Variants in UIMC1 observed in about 807,000 individuals in gnomAD.
The protein encoded by UIMC1 is BRCA1-A complex subunit RAP80.
UIMC1 carries 42 observed loss-of-function variants against 84.9 expected under a neutral mutation model. The ratio of observed to expected loss-of-function variants is 0.49; its 90% confidence interval spans 0.39 to 0.64. UIMC1 has a LOEUF of 0.64. Ranked by LOEUF, UIMC1 falls within the 30% of genes least tolerant of loss-of-function variation. UIMC1 has a pLI of 0.00. For synonymous variants in UIMC1, 281 were observed against 293.0 expected, an observed-to-expected ratio of 0.96 and a Z score of 0.42; for missense variants, 825 against 847.6, an observed-to-expected ratio of 0.97 and a Z score of 0.33.
chr5:176,936,916 T>C (rs543887037), intron 10 of UIMC1, among the ~76,000 whole-genome samples: 19 of 152,336 alleles, frequency 1.2e-4, no homozygotes, highest in African/African-American at 2.4e-4. Context: ...ACTTGAAATA[T>C]TGTATATTTA....
At chr5:176,921,017 T>C (rs1761637713) in intron 10 of UIMC1, among the ~76,000 whole-genome samples, 1 of 152,268 alleles carries the variant, frequency 6.6e-6, no homozygotes, top group Non-Finnish European at 1.5e-5. Flanking sequence ...AAATGCTTTT[T>C]CTGTGTCCAT....
At chr5:176,999,362 A>T (rs112681256) in intron 1 of UIMC1, among the ~76,000 whole-genome samples, 31 of 152,342 alleles carry the variant, frequency 2.0e-4, no homozygotes, top group Non-Finnish European at 3.7e-4. Context: ...TAGTCAGATC[A>T]TACAAAATAA....
chr5:177,003,550 G>C (rs1041542498), intron 1 of UIMC1, among the ~76,000 whole-genome samples: 7 of 152,160 alleles, frequency 4.6e-5, no homozygotes, highest in Admixed American at 1.3e-4. Flanking sequence ...CTACTCAGGA[G>C]GCTGAGGCAG....
At chr5:176,972,661 G>A (rs1381447377) in intron 3 of UIMC1, among the ~76,000 whole-genome samples, 5 of 151,986 alleles carry the variant, frequency 3.3e-5, no homozygotes, top group Non-Finnish European at 7.4e-5. Context: ...GCTTAAACCC[G>A]GGAGGCGGAG....
At chr5:176,931,457 G>C (rs1372076776) in intron 10 of UIMC1, among the ~76,000 whole-genome samples, 2 of 152,162 alleles carry the variant, frequency 1.3e-5, no homozygotes, top group Non-Finnish European at 1.5e-5. Context: ...GAAATCCTGA[G>C]GTGGGGGGCT....
intron 10 of UIMC1, among the ~76,000 whole-genome samples, chr5:176,942,644 G>A (rs1438777676): frequency 6.6e-6 from 1 of 151,816 alleles, no homozygotes; most frequent in East Asian, 1.9e-4. Flanking sequence ...TACTCGGGAG[G>A]CTGAGGCAGG....
At chr5:176,963,470 G>A (rs2149475814) in intron 6 of UIMC1, among the ~76,000 whole-genome samples, 1 of 150,696 alleles carries the variant, frequency 6.6e-6, no homozygotes, top group Admixed American at 6.6e-5. Context: ...GCAGTGAGCT[G>A]AGATCGTGTC....
chr5:176,955,933 C>A (rs1340946112), intron 8 of UIMC1, 26 bp downstream of exon 8: 1 of 1,605,982 alleles, frequency 6.2e-7, no homozygotes, highest in Non-Finnish European at 8.5e-7. Context: ...ATCAGAAATT[C>A]AGTAAAATCA....
Position 176,951,546 on chromosome 5 carries a change from G to T in UIMC1, c.1371C>A (p.Asp457Glu), listed in dbSNP as rs1245507234. 1 of 1,589,798 alleles carries T rather than the reference G, an allele frequency of 6.3e-7. No homozygotes were observed. Among genetic ancestry groups the T allele is most frequent in the Non-Finnish European group, 8.5e-7 (1 of 1,169,630 alleles). ...TACCTGGAGAGACTTCTCTTTCAAG[G>T]TCAAAAGTTTCAGAGGAACTTAGCT... The part of the protein sequence containing the change: ...ETQLSSSETF[D>E]LEREVSPGSR... The change falls in exon 9 of 15, where the codon GAC becomes GAA. Residue 457 changes from aspartate (D) to glutamate (E), a missense_variant. Coordinates refer to ENST00000511320, the MANE Select transcript of UIMC1 (RefSeq NM_001199298.2).
chr5:176,949,591 G>A (rs1473906141), intron 9 of UIMC1, among the ~76,000 whole-genome samples: 1 of 152,172 alleles, frequency 6.6e-6, no homozygotes, highest in Non-Finnish European at 1.5e-5. Flanking sequence ...CTCTGCAGCA[G>A]GGAGTGTCAT....
rs979903591 is a variant in UIMC1, at chr5:176,998,554, G to C, written c.-9+8096C>G. On this transcript the variant is annotated intron_variant, in intron 1 of 14. Transcript: ENST00000511320. ...AGGCCAAGGCGGGCGGATCACCTAAGGTCAGGAGTTCGAGACCAGCCTGAC... is the reference window on the plus strand; with the variant it reads ...AGGCCAAGGCGGGCGGATCACCTAACGTCAGGAGTTCGAGACCAGCCTGAC... 2.0e-5 allele frequency among the ~76,000 whole-genome samples: 3 copies of C among 149,434 alleles called. No individual in the cohort carries two copies. The Admixed American group carries it at 2.0e-4, about 10-fold the overall frequency.
intron 10 of UIMC1, among the ~76,000 whole-genome samples, chr5:176,930,098 T>C (rs927024457): frequency 2.0e-5 from 3 of 152,178 alleles, no homozygotes; most frequent in Non-Finnish European, 4.4e-5. Context: ...CAAAAGAATA[T>C]ATATGTGAAC....
At position 176,906,173 on chromosome 5, in the gene UIMC1, C is replaced by T. The variant is rs536034123; in HGVS notation, c.1913-126G>A. The T allele has an allele frequency of 2.3e-3, 1,892 of 824,588 alleles. 3 individuals are homozygous for T. The highest frequency in any genetic ancestry group is 3.3e-3 in the Non-Finnish European group (1,679 of 515,812). The allele number at this position is 824,588 out of a possible 1,614,324, so 51.1% of individuals were successfully genotyped here. A position where few individuals can be genotyped will look rare whatever the true frequency, so the allele number is the denominator to read the frequency against. Reference sequence around the variant, plus strand: ...TCAGGCCTATCCAGGTAGCACAGATCCCCAATCCCCTAAACCCACAGACGG... The same window carrying T: ...TCAGGCCTATCCAGGTAGCACAGATTCCCAATCCCCTAAACCCACAGACGG... On this transcript the variant is annotated intron_variant, in intron 13 of 14. Coordinates refer to ENST00000511320, the MANE Select transcript of UIMC1 (RefSeq NM_001199298.2).
intron 14 of UIMC1, 54 bp downstream of exon 14, chr5:176,905,957 C>T: frequency 6.3e-7 from 1 of 1,598,710 alleles, no homozygotes; most frequent in Non-Finnish European, 8.6e-7. Flanking sequence ...CAGGACAAGG[C>T]CTGCACTTTT....
intron 3 of UIMC1, among the ~76,000 whole-genome samples, chr5:176,971,235 G>A (rs930274932): frequency 8.5e-5 from 13 of 152,280 alleles, no homozygotes; most frequent in Admixed American, 6.5e-4. Flanking sequence ...GCTAAATACC[G>A]CAACGCTTTA....
chr5:176,969,550 G>A, intron 5 of UIMC1, 51 bp downstream of exon 5: 1 of 1,563,662 alleles, frequency 6.4e-7, no homozygotes, highest in Non-Finnish European at 8.8e-7. Flanking sequence ...TGAGATCCCT[G>A]TGGTACAGTT....
intron 13 of UIMC1, among the ~76,000 whole-genome samples, chr5:176,906,827 T>G (rs1759449009): frequency 6.6e-6 from 1 of 152,266 alleles, no homozygotes; most frequent in Admixed American, 6.5e-5. Flanking sequence ...GAAGGTATAC[T>G]TGGGGCTTGT....
chr5:176,924,006 C>G (rs767117050), intron 10 of UIMC1, among the ~76,000 whole-genome samples: 1 of 150,854 alleles, frequency 6.6e-6, no homozygotes, highest in African/African-American at 2.4e-5. Context: ...TATATGAAAC[C>G]GTGAAAGACT....
At chr5:176,999,481 T>A (rs991753975) in intron 1 of UIMC1, among the ~76,000 whole-genome samples, 2 of 152,146 alleles carry the variant, frequency 1.3e-5, no homozygotes, top group African/African-American at 4.8e-5. Flanking sequence ...TATTGTGCTA[T>A]CAAATACTGG....
Sources: gnomAD v4.1 joint callset for allele counts (sites outside exome capture counted in the v4.1 genomes callset) on GRCh38, gnomAD v4.1.1 for gene constraint, MANE v1.5 for transcripts, NCBI Gene and HGNC (gene_info 2026-07-23, HGNC 2026-07-21) for gene names.